The following PDE1A variants were observed in gnomAD, a reference collection of about 807,000 sequenced individuals.
PDE1A encodes phosphodiesterase 1A.
Under a neutral mutation model 61.7 loss-of-function variants are expected in PDE1A, and 35 were observed. The ratio of observed to expected loss-of-function variants is 0.57; its 90% CI spans 0.43 to 0.75. The LOEUF (loss-of-function observed/expected upper bound fraction) is 0.75. PDE1A is among the 30% of genes least tolerant of loss of function. The pLI, the probability that PDE1A is intolerant of heterozygous loss-of-function variation, is 0.00. For synonymous variants in PDE1A, 232 were observed against 213.2 expected (o/e 1.09, Z -0.77); for missense variants, 597 against 630.6 (o/e 0.95, Z 0.57).
At chr2:182,435,699 G>A (rs1230415919) in intron 2 of PDE1A, among the ~76,000 whole-genome samples, 1 of 152,072 alleles carries the variant, frequency 6.6e-6, no homozygotes, top group African/African-American at 2.4e-5. Context: ...GCTGCATACT[G>A]AGACTTGGTT....
At chr2:182,658,046 G>GT in the PDE1A span, among the ~76,000 whole-genome samples, 1 of 34,040 alleles carries the variant, frequency 2.9e-5, no homozygotes, top group Non-Finnish European at 5.2e-5. Flanking sequence ...CAGCTTCTCA[G>GT]TAAAAAAAAA....
the PDE1A span, among the ~76,000 whole-genome samples, chr2:182,573,267 A>G: frequency 3.9e-5 from 6 of 152,168 alleles, no homozygotes; most frequent in Non-Finnish European, 8.8e-5. Context: ...TGTAAAATAT[A>G]AAGACATCAC....
intron 1 of PDE1A, among the ~76,000 whole-genome samples, chr2:182,369,717 G>T (rs141572857): frequency 0.012 from 1,900 of 152,250 alleles, 24 homozygotes; most frequent in South Asian, 0.048. Context: ...CTTGGAGGAG[G>T]TCCATTGATA....
intron 1 of PDE1A, among the ~76,000 whole-genome samples, chr2:182,302,062 T>C (rs922916327): frequency 6.6e-6 from 1 of 152,168 alleles, no homozygotes; most frequent in African/African-American, 2.4e-5. Context: ...TAGAAGAATA[T>C]GTAGCAGGAA....
chr2:182,443,355 T>C (rs993829694), intron 2 of PDE1A, among the ~76,000 whole-genome samples: 18 of 152,028 alleles, frequency 1.2e-4, no homozygotes, highest in Admixed American at 9.2e-4. Flanking sequence ...ATATATAATA[T>C]AGTCTGGCTA....
upstream of PDE1A, among the ~76,000 whole-genome samples, chr2:182,428,356 T>C (rs866211112): frequency 6.6e-6 from 1 of 152,154 alleles, no homozygotes; most frequent in African/African-American, 2.4e-5. Context: ...GAAACTGCCA[T>C]AGAAGTTATG....
At chr2:182,288,426 CTGTCT>C (rs1694309008) in intron 1 of PDE1A, among the ~76,000 whole-genome samples, 1 of 152,132 alleles carries the variant, frequency 6.6e-6, no homozygotes, top group South Asian at 2.1e-4. Flanking sequence ...AACAGGCATT[CTGTCT>C]TAAGTTTGAA....
chr2:182,285,539 T>C (rs1238993604), intron 1 of PDE1A, among the ~76,000 whole-genome samples: 1 of 151,966 alleles, frequency 6.6e-6, no homozygotes. Flanking sequence ...GAAGGGAAGT[T>C]GAGAAAAAAC....
intron 1 of PDE1A, among the ~76,000 whole-genome samples, chr2:182,383,028 T>C (rs1329687379): frequency 6.6e-6 from 1 of 152,132 alleles, no homozygotes; most frequent in Non-Finnish European, 1.5e-5. Flanking sequence ...AAAACCCCAA[T>C]TAAATATCTC....
chr2:182,504,220 T>C (rs935210543), intron 2 of PDE1A, among the ~76,000 whole-genome samples: 1 of 152,236 alleles, frequency 6.6e-6, no homozygotes, highest in Non-Finnish European at 1.5e-5. Flanking sequence ...TTGCTTTTAC[T>C]GTGAGCTGAA....
chr2:182,562,973 T>C, the PDE1A span, among the ~76,000 whole-genome samples: 1 of 152,240 alleles, frequency 6.6e-6, no homozygotes, highest in African/African-American at 2.4e-5. Flanking sequence ...TTGCTAGTGC[T>C]CCATCAATTT....
chr2:182,646,418 G>A, the PDE1A span, among the ~76,000 whole-genome samples: 53,793 of 146,026 alleles, frequency 0.37, 10,972 homozygotes, highest in East Asian at 0.55. Flanking sequence ...AGCCATACGC[G>A]GTGGCTCACA....
At chr2:182,299,698 T>C (rs1402240601) in intron 1 of PDE1A, among the ~76,000 whole-genome samples, 1 of 151,980 alleles carries the variant, frequency 6.6e-6, no homozygotes, top group African/African-American at 2.4e-5. Flanking sequence ...TGATATACAG[T>C]ATACAACTGC....
At chr2:182,310,977 C>A (rs1695929704) in intron 1 of PDE1A, among the ~76,000 whole-genome samples, 1 of 152,210 alleles carries the variant, frequency 6.6e-6, no homozygotes, top group Non-Finnish European at 1.5e-5. Context: ...TATCTTTCTT[C>A]CCCTGTCTCC....
At chr2:182,277,124 A>T (rs1162241969) in intron 1 of PDE1A, among the ~76,000 whole-genome samples, 1 of 151,862 alleles carries the variant, frequency 6.6e-6, no homozygotes, top group Non-Finnish European at 1.5e-5. Flanking sequence ...GAAGCATGTG[A>T]TCTTTGTTCT....
At chr2:182,690,067 C>T in the PDE1A span, among the ~76,000 whole-genome samples, 2 of 152,090 alleles carry the variant, frequency 1.3e-5, no homozygotes, top group African/African-American at 4.8e-5. Context: ...AAGTCCAGGA[C>T]CAGATGGATT....
intron 2 of PDE1A, among the ~76,000 whole-genome samples, chr2:182,514,124 G>A (rs1689990202): frequency 6.6e-6 from 1 of 152,126 alleles, no homozygotes; most frequent in Non-Finnish European, 1.5e-5. Flanking sequence ...ACTAACCAGG[G>A]AAGTAAAAGA....
chr2:182,673,297 T>C, the PDE1A span, among the ~76,000 whole-genome samples: 14 of 152,212 alleles, frequency 9.2e-5, no homozygotes. Context: ...TCTGAACATG[T>C]GAGTTATTAA....
At chr2:182,219,168 G>A (rs149197334) in intron 7 of PDE1A, among the ~76,000 whole-genome samples, 61 of 152,062 alleles carry the variant, frequency 4.0e-4, no homozygotes, top group Non-Finnish European at 6.2e-4. Context: ...TAGAAAAGTC[G>A]TTTTTAAAGA....
Sources: allele counts gnomAD v4.1 joint callset (sites outside exome capture counted in the v4.1 genomes callset), GRCh38; gene constraint gnomAD v4.1.1; transcripts MANE v1.5; gene names NCBI Gene and HGNC (gene_info 2026-07-23, HGNC 2026-07-21).